The following GFOD1 variants were observed in gnomAD, a reference collection of about 807,000 sequenced individuals.
GFOD1 encodes the protein glucose-fructose oxidoreductase domain-containing protein 1.
GFOD1 carries 9 observed loss-of-function variants against 25.4 expected under a neutral mutation model. The observed-to-expected ratio is 0.35, with a 90% CI of 0.21 to 0.62. The LOEUF is 0.62. Among genes scored for constraint, GFOD1 ranks in the 20% least tolerant of loss-of-function variants. GFOD1 has a pLI of 0.72. For missense variants in GFOD1, 403 were observed against 556.9 expected, an observed-to-expected ratio of 0.72 and a Z score of 2.78; for synonymous variants, 253 against 245.6, an observed-to-expected ratio of 1.03 and a Z score of -0.28.
chr6:13,418,776 T>C (rs542381197), intron 1 of GFOD1, among the ~76,000 whole-genome samples: 1 of 152,302 alleles, frequency 6.6e-6, no homozygotes, highest in Admixed American at 6.5e-5. Flanking sequence ...GATGGGTGCC[T>C]GTTGCCACAC....
At position 13,365,195 on chromosome 6, in the gene GFOD1, C is replaced by G. The variant is rs747995227; in HGVS notation, c.721G>C (p.Val241Leu). ...ACATCCTGCTTGAACTCGCCGGGCA[C>G]GTTGAAGTTGAGGGTGACGGTGCAG... is the stretch of plus-strand genomic sequence containing the variant. The part of the protein sequence containing the change: ...VCCTVTLNFN[V>L]PGEFKQDVTV... The change falls in exon 2 of 2, where the codon GTG (valine) becomes CTG (leucine). Residue 241 changes from valine to leucine, a missense_variant. Val to Leu is a conservative substitution (Grantham distance 32). Coordinates refer to ENST00000379287, the MANE Select transcript of GFOD1 (RefSeq NM_018988.4). The surrounding 1 kb of genome is among the most constrained non-coding windows in gnomAD (Gnocchi z 9.2). 5 of 1,613,894 alleles carry G rather than the reference C, an allele frequency of 3.1e-6. No homozygotes were observed.
Position 13,381,915 on chromosome 6 carries a change from GCACACACACACA to G in GFOD1, c.254-16265_254-16254del, listed in dbSNP as rs112808546. On this transcript the variant is annotated intron_variant, in intron 1 of 1. Coordinates refer to ENST00000379287, the MANE Select transcript of GFOD1 (RefSeq NM_018988.4). ...AGAAATAAAACACACACGCGCGCGC[GCACACACACACA>G]CACACACACACACACACACACACAC... Among the ~76,000 whole-genome samples the G allele has an allele frequency of 2.1e-3, 297 of 140,140 alleles. 2 individuals carry two copies. The highest frequency in any genetic ancestry group is 7.7e-3 in the African/African-American group (259 of 33,658). 91.9% of individuals were successfully genotyped at this position (140,140 alleles called of 152,430 possible). A position where few individuals can be genotyped will look rare whatever the true frequency, so the allele number is the denominator to read the frequency against.
chr6:13,361,763 T>C lies in GFOD1; in HGVS notation c.*2980A>G, dbSNP rs546305672. On this transcript the variant is annotated 3_prime_UTR_variant, in exon 2 of 2. Coordinates refer to ENST00000379287, the MANE Select transcript of GFOD1 (RefSeq NM_018988.4). Reference sequence around the variant, plus strand: ...CTTGTTCCTTCACCTACCTACTACATGCATTTCAGTAGATAAAATTTGAGT... The same window carrying C: ...CTTGTTCCTTCACCTACCTACTACACGCATTTCAGTAGATAAAATTTGAGT... The C allele has an allele frequency of 2.6e-5, 4 of 152,362 alleles. No homozygotes were observed. The highest frequency in any genetic ancestry group is 2.1e-4 in the South Asian group (1 of 4,830). 9.4% of individuals were successfully genotyped at this position (152,362 alleles called of 1,614,324 possible). A position where few individuals can be genotyped will look rare whatever the true frequency, so the allele number is the denominator to read the frequency against.
intron 1 of GFOD1, among the ~76,000 whole-genome samples, chr6:13,370,287 C>T (rs1031365428): frequency 6.6e-6 from 1 of 152,250 alleles, no homozygotes; most frequent in Non-Finnish European, 1.5e-5. Context: ...CTCTCCAAAA[C>T]ATGCAACTCA....
At chr6:13,457,252 T>C (rs1044552873) in intron 1 of GFOD1, among the ~76,000 whole-genome samples, 1 of 152,160 alleles carries the variant, frequency 6.6e-6, no homozygotes, top group Non-Finnish European at 1.5e-5. Context: ...TTTCTGAAAT[T>C]TTCCAGAGTC....
chr6:13,437,092 G>C (rs1416043162), intron 1 of GFOD1, among the ~76,000 whole-genome samples: 1 of 152,094 alleles, frequency 6.6e-6, no homozygotes, highest in Non-Finnish European at 1.5e-5. Context: ...ATGAGAAAAA[G>C]GGAAAGGCTG....
At position 13,441,487 on chromosome 6, in the gene GFOD1, T is replaced by TA. The variant is rs1757915471; in HGVS notation, c.253+45150dup. Among the ~76,000 whole-genome samples the TA allele has an allele frequency of 3.3e-5, 5 of 152,336 alleles. No homozygotes were observed. In the South Asian group the frequency reaches 1.0e-3, roughly 32 times the overall value. The stretch of plus-strand genomic sequence containing the variant: ...TTCTGTCCGATTTCATACGTTGTGT[T>TA]AAAAAATGTATCTTTTCCTGAAAAT... On this transcript the variant is annotated intron_variant, in intron 1 of 1. Coordinates refer to ENST00000379287, the MANE Select transcript of GFOD1 (RefSeq NM_018988.4).
chr6:13,389,019 A>G (rs1785531617), intron 1 of GFOD1, among the ~76,000 whole-genome samples: 1 of 152,368 alleles, frequency 6.6e-6, no homozygotes, highest in South Asian at 2.1e-4. Context: ...AAAAATGCTC[A>G]TCATCACTGG....
chr6:13,421,754 C>T (rs575330773), intron 1 of GFOD1, among the ~76,000 whole-genome samples: 1 of 152,170 alleles, frequency 6.6e-6, no homozygotes, highest in South Asian at 2.1e-4. Flanking sequence ...TAAGGCCTGA[C>T]TAGGATGAAC....
chr6:13,467,085 C>T (rs1190902533), intron 1 of GFOD1, among the ~76,000 whole-genome samples: 1 of 151,562 alleles, frequency 6.6e-6, no homozygotes, highest in East Asian at 1.9e-4. Context: ...TAAAGGACAG[C>T]TGTGTATATT....
chr6:13,370,481 G>A (rs1785128786), intron 1 of GFOD1, among the ~76,000 whole-genome samples: 4 of 151,730 alleles, frequency 2.6e-5, no homozygotes, highest in South Asian at 2.1e-4. Flanking sequence ...GACCCTTCAC[G>A]AATTGCTAAG....
chr6:13,372,261 C>T (rs1785168361), intron 1 of GFOD1, among the ~76,000 whole-genome samples: 1 of 152,164 alleles, frequency 6.6e-6, no homozygotes, highest in Non-Finnish European at 1.5e-5. Flanking sequence ...TCATCAGAAG[C>T]TTTTAAGTTA....
chr6:13,375,630 G>A, intron 1 of GFOD1, among the ~76,000 whole-genome samples: 1 of 152,140 alleles, frequency 6.6e-6, no homozygotes, highest in Admixed American at 6.5e-5. Context: ...ATGTTGATGG[G>A]ACTTAGTGTT....
At chr6:13,398,576 T>C (rs1420127820) in intron 1 of GFOD1, among the ~76,000 whole-genome samples, 3 of 152,236 alleles carry the variant, frequency 2.0e-5, no homozygotes, top group African/African-American at 4.8e-5. Context: ...TGCACCCCAG[T>C]GCACAAATGC....
At chr6:13,482,909 T>C (rs1758784377) in intron 1 of GFOD1, among the ~76,000 whole-genome samples, 1 of 151,148 alleles carries the variant, frequency 6.6e-6, no homozygotes, top group African/African-American at 2.4e-5. Context: ...TTATGTTATA[T>C]ATACATCTAT....
chr6:13,442,885 T>G lies in GFOD1; in HGVS notation c.253+43753A>C, dbSNP rs377129092. ...GTAGCCCATGGATCAAAGAGCAATT[T>G]TGACTTTCAAATCTTATTATTTAAG... On this transcript the variant is annotated intron_variant, in intron 1 of 1. Coordinates refer to ENST00000379287, the MANE Select transcript of GFOD1 (RefSeq NM_018988.4). Among the ~76,000 whole-genome samples, 7 of 152,370 alleles carry G rather than the reference T, an allele frequency of 4.6e-5. No homozygotes were observed. The South Asian group carries it at 1.4e-3, about 32-fold the overall frequency.
At chr6:13,410,726 G>C (rs562181257) in intron 1 of GFOD1, among the ~76,000 whole-genome samples, 3 of 152,178 alleles carry the variant, frequency 2.0e-5, no homozygotes, top group Non-Finnish European at 4.4e-5. Flanking sequence ...AGAACAATTT[G>C]CAAGCTCAGA....
At position 13,357,994 on chromosome 6, in the gene GFOD1, A is replaced by G. The variant is rs1230697433; in HGVS notation, c.*6749T>C. 2.0e-5 allele frequency: 3 copies of G among 152,300 alleles called. No homozygotes were observed. Among genetic ancestry groups the G allele is most frequent in the Non-Finnish European group, 4.4e-5 (3 of 68,060 alleles). The allele number at this position is 152,300 out of a possible 1,614,324, so 9.4% of individuals were successfully genotyped here. ...GAGCATCGCAGAGATCACAACGGGC[A>G]TCAGCTCTGGAGCTCCTAGCGGCAG... On this transcript the variant is annotated 3_prime_UTR_variant, in exon 2 of 2. Coordinates refer to ENST00000379287, the MANE Select transcript of GFOD1 (RefSeq NM_018988.4).
chr6:13,422,874 C>T (rs1584642753), intron 1 of GFOD1, among the ~76,000 whole-genome samples: 1 of 152,170 alleles, frequency 6.6e-6, no homozygotes, highest in Non-Finnish European at 1.5e-5. Flanking sequence ...TCTGGAAATT[C>T]GGTGTGGCGA....
Sources: gnomAD v4.1 joint callset for allele counts (sites outside exome capture counted in the v4.1 genomes callset) on GRCh38, gnomAD v4.1.1 for gene constraint, Gnocchi (gnomAD v3.1) non-coding constraint, MANE v1.5 for transcripts, NCBI Gene and HGNC (gene_info 2026-07-23, HGNC 2026-07-21) for gene names.